The following CLSTN2 variants were observed in gnomAD, a reference collection of about 807,000 sequenced individuals.
CLSTN2 encodes the protein calsyntenin 2.
CLSTN2 carries 48 observed loss-of-function variants against 101.2 expected under a neutral mutation model. The ratio of observed to expected loss-of-function variants is 0.47; its 90% CI spans 0.38 to 0.60. The LOEUF (loss-of-function observed/expected upper bound fraction) is 0.60. Ranked by LOEUF, CLSTN2 falls within the 20% of genes least tolerant of loss-of-function variation. CLSTN2 has a pLI of 0.00. For synonymous variants in CLSTN2, 481 were observed against 463.6 expected, an observed-to-expected ratio of 1.04 and a Z score of -0.48; for missense variants, 1,160 against 1,238.2, an observed-to-expected ratio of 0.94 and a Z score of 0.95.
intron 1 of CLSTN2, among the ~76,000 whole-genome samples, chr3:140,143,053 C>T (rs993485704): frequency 2.6e-5 from 4 of 152,122 alleles, no homozygotes; most frequent in Admixed American, 6.6e-5. Flanking sequence ...ACCCTCATCA[C>T]GACAGGGTTG....
At chr3:140,015,081 G>A (rs745910409) in intron 1 of CLSTN2, among the ~76,000 whole-genome samples, 5 of 152,166 alleles carry the variant, frequency 3.3e-5, no homozygotes, top group Non-Finnish European at 5.9e-5. Context: ...CCCTTGCTCC[G>A]TGAGTCCCAT....
At chr3:140,466,576 C>A in intron 7 of CLSTN2, 34 bp from the exon 8 acceptor site, 1 of 1,613,656 alleles carries the variant, frequency 6.2e-7, no homozygotes, top group Non-Finnish European at 8.5e-7. Context: ...CACAGGGGTT[C>A]TCTCACTCTT....
At chr3:140,419,169 T>A (rs1009521372) in intron 4 of CLSTN2, among the ~76,000 whole-genome samples, 1 of 151,794 alleles carries the variant, frequency 6.6e-6, no homozygotes, top group Non-Finnish European at 1.5e-5. Context: ...TTTTCTTTAG[T>A]TTTGATGAAA....
At chr3:140,097,984 T>C (rs1158069370) in intron 1 of CLSTN2, among the ~76,000 whole-genome samples, 1 of 152,104 alleles carries the variant, frequency 6.6e-6, no homozygotes, top group Non-Finnish European at 1.5e-5. Context: ...TACAATGCCA[T>C]GATATAAGAC....
intron 1 of CLSTN2, among the ~76,000 whole-genome samples, chr3:139,981,469 T>C (rs1460369718): frequency 6.6e-6 from 1 of 152,224 alleles, no homozygotes; most frequent in African/African-American, 2.4e-5. Flanking sequence ...TTCTTCAAGA[T>C]GGCTATGCCA....
chr3:140,260,427 C>A (rs1412930577), intron 2 of CLSTN2, among the ~76,000 whole-genome samples: 1 of 151,734 alleles, frequency 6.6e-6, no homozygotes, highest in Admixed American at 6.6e-5. Flanking sequence ...AACAGCCCAA[C>A]TGCTCCTAAA....
intron 4 of CLSTN2, among the ~76,000 whole-genome samples, chr3:140,411,640 A>C (rs2088364760): frequency 6.6e-6 from 1 of 152,250 alleles, no homozygotes; most frequent in South Asian, 2.1e-4. Flanking sequence ...AACATTCTCC[A>C]GGAAGATCAC....
At chr3:140,056,128 G>A (rs2107770569) in intron 1 of CLSTN2, among the ~76,000 whole-genome samples, 1 of 151,796 alleles carries the variant, frequency 6.6e-6, no homozygotes, top group East Asian at 1.9e-4. Flanking sequence ...GGCCACATTG[G>A]AGAAGTCATG....
intron 1 of CLSTN2, among the ~76,000 whole-genome samples, chr3:139,954,225 A>G (rs949585279): frequency 2.0e-5 from 3 of 152,100 alleles, no homozygotes; most frequent in African/African-American, 7.2e-5. Flanking sequence ...CAGTAAATCT[A>G]TTTCAGGCTA....
intron 1 of CLSTN2, among the ~76,000 whole-genome samples, chr3:140,059,474 AG>A (rs137909746): frequency 0.034 from 5,133 of 152,176 alleles, 308 homozygotes; most frequent in African/African-American, 0.12. Context: ...AGTGCTGATG[AG>A]CAGGAGACTA....
chr3:140,550,502 C>A (rs1474367069), intron 10 of CLSTN2, among the ~76,000 whole-genome samples: 1 of 151,626 alleles, frequency 6.6e-6, no homozygotes, highest in Admixed American at 6.6e-5. Context: ...AGGGTTTTGT[C>A]AATCCAGTGA....
At chr3:140,094,085 G>T (rs1016848872) in intron 1 of CLSTN2, among the ~76,000 whole-genome samples, 1 of 152,148 alleles carries the variant, frequency 6.6e-6, no homozygotes, top group Admixed American at 6.5e-5. Context: ...ATAGAACTTG[G>T]ACTCATTTTT....
intron 1 of CLSTN2, among the ~76,000 whole-genome samples, chr3:140,151,694 T>C (rs2009869214): frequency 6.6e-6 from 1 of 152,060 alleles, no homozygotes; most frequent in South Asian, 2.1e-4. Context: ...TGAAGCTATT[T>C]ATGTCTATAA....
intron 1 of CLSTN2, among the ~76,000 whole-genome samples, chr3:139,968,444 A>G (rs1392201053): frequency 6.6e-6 from 1 of 152,204 alleles, no homozygotes; most frequent in Admixed American, 6.5e-5. Flanking sequence ...TGCCACTATC[A>G]AAAGGGCTTG....
chr3:140,364,703 C>T (rs982303521), intron 2 of CLSTN2, among the ~76,000 whole-genome samples: 2 of 152,144 alleles, frequency 1.3e-5, no homozygotes, highest in African/African-American at 4.8e-5. Flanking sequence ...GAAGCAGAGG[C>T]CCATCTTGGG....
intron 1 of CLSTN2, among the ~76,000 whole-genome samples, chr3:139,969,282 C>G (rs1935654804): frequency 6.6e-6 from 1 of 152,196 alleles, no homozygotes; most frequent in Non-Finnish European, 1.5e-5. Context: ...AATCTGCCAT[C>G]CCAATTGCTC....
intron 2 of CLSTN2, among the ~76,000 whole-genome samples, chr3:140,369,946 C>T (rs1387406941): frequency 6.6e-6 from 1 of 152,204 alleles, no homozygotes; most frequent in Non-Finnish European, 1.5e-5. Context: ...TAGAAAAGTA[C>T]ACATTTACAA....
intron 2 of CLSTN2, among the ~76,000 whole-genome samples, chr3:140,281,230 A>G (rs553884002): frequency 7.9e-5 from 12 of 152,340 alleles, no homozygotes; most frequent in Admixed American, 2.6e-4. Context: ...CTAGAATACA[A>G]TATAAATGAA....
intron 1 of CLSTN2, among the ~76,000 whole-genome samples, chr3:139,963,876 CAT>C (rs907434549): frequency 6.6e-6 from 1 of 152,218 alleles, no homozygotes; most frequent in Non-Finnish European, 1.5e-5. Flanking sequence ...GTTCTTGGCA[CAT>C]AGTAGGAGCA....
Sources: gnomAD v4.1 joint callset for allele counts (sites outside exome capture counted in the v4.1 genomes callset) on GRCh38, gnomAD v4.1.1 for gene constraint, MANE v1.5 for transcripts, NCBI Gene and HGNC (gene_info 2026-07-23, HGNC 2026-07-21) for gene names.